Variants in WDR11 observed in about 807,000 individuals in gnomAD.
WDR11 encodes WD repeat-containing protein 11.
Under a neutral mutation model 151.2 loss-of-function variants are expected in WDR11, and 83 were observed. That is an observed-to-expected ratio of 0.55 (90% CI 0.46 to 0.66). The LOEUF (loss-of-function observed/expected upper bound fraction) is 0.66. Among genes scored for constraint, WDR11 ranks in the 30% least tolerant of loss-of-function variants. The probability of loss-of-function intolerance (pLI) is 0.00; values close to 1 mark genes in which losing one functional copy is unlikely to be tolerated. For missense variants in WDR11, 1,301 were observed against 1,480.9 expected (o/e 0.88, Z 1.99); for synonymous variants, 484 against 533.1 (o/e 0.91, Z 1.27).
chr10:120,908,667 T>G lies in WDR11; in HGVS notation c.3629T>G (p.Leu1210Ter), dbSNP rs892373753. 6 of 1,614,104 alleles carry G rather than the reference T, an allele frequency of 3.7e-6. No individual in the cohort carries two copies. The highest frequency in any genetic ancestry group is 5.1e-6 in the Non-Finnish European group (6 of 1,180,050). ...ASKAGAAGKD[L>*]LNELESPKEE... ...AAAGCCGGAGCAGCTGGCAAAGACTTATTGAATGAGCTTGAGTCCCCCAAG... is the reference window on the plus strand; with the variant it reads ...AAAGCCGGAGCAGCTGGCAAAGACTGATTGAATGAGCTTGAGTCCCCCAAG... Residue 1210 changes from leucine (L) to a stop codon, truncating the protein, a stop_gained, in exon 29 of 29, where the codon TTA (leucine) becomes TGA (stop). Coordinates refer to ENST00000263461, the MANE Select transcript of WDR11 (RefSeq NM_018117.12). LOFTEE classifies it high-confidence loss of function.
chr10:120,852,747 A>G (rs928527065), intron 2 of WDR11, 112 bp downstream of exon 2: 2 of 898,124 alleles, frequency 2.2e-6, no homozygotes, highest in Admixed American at 2.1e-5. Flanking sequence ...GCTTTTAAAT[A>G]TAACAACCTA....
At chr10:120,873,379 G>T (rs936893720) in intron 10 of WDR11, among the ~76,000 whole-genome samples, 4 of 152,158 alleles carry the variant, frequency 2.6e-5, no homozygotes, top group African/African-American at 9.6e-5. Context: ...TTACTCTCTT[G>T]TCAGGATTTA....
Position 120,889,582 on chromosome 10 carries a change from T to G in WDR11, c.2229-313T>G, listed in dbSNP as rs145005837. ...TATGGTTCCATTAGAGGCTTGTGAC[T>G]TGGCAAGAAGGATCAGTAAACTCGT... On this transcript the variant is annotated intron_variant, in intron 17 of 28. Coordinates refer to ENST00000263461, the MANE Select transcript of WDR11 (RefSeq NM_018117.12). 1.4e-3 allele frequency: 592 copies of G among 430,980 alleles called. 3 individuals are homozygous for G. The highest frequency in any genetic ancestry group is 0.011 in the African/African-American group (553 of 50,012). 26.7% of individuals were successfully genotyped at this position (430,980 alleles called of 1,614,324 possible).
Position 120,851,393 on chromosome 10 carries a change from G to C in WDR11, c.-28G>C. 1 of 1,595,164 alleles carries C rather than the reference G, an allele frequency of 6.3e-7. No homozygotes were observed. Among genetic ancestry groups the C allele is most frequent in the Non-Finnish European group, 8.5e-7 (1 of 1,170,886 alleles). On this transcript the variant is annotated 5_prime_UTR_variant, in exon 1 of 29. Transcript: ENST00000263461. ...TCCGCCGCTTCCTGGTTGCGGGTCA[G>C]CGCCCAGGTCCTGGGCTGGCCGCCG...
In WDR11 at chr10:120,904,319, CAT is replaced by C. The variant is rs528898510; in HGVS notation, c.3027+180_3027+181del. 1.9e-3 allele frequency among the ~76,000 whole-genome samples: 286 copies of C among 152,244 alleles called. 1 individual carries two copies. The highest frequency in any genetic ancestry group is 3.5e-3 in the Non-Finnish European group (235 of 68,026). ...TACCAATAAACCTCATGAGAAAAAA[CAT>C]ATGGTTAACCAGCTTGTAATTTAGA... is the stretch of plus-strand genomic sequence containing the variant. On this transcript the variant is annotated intron_variant, in intron 24 of 28. Transcript: ENST00000263461.
At chr10:120,898,648 A>G (rs923447588) in intron 19 of WDR11, among the ~76,000 whole-genome samples, 15 of 152,138 alleles carry the variant, frequency 9.9e-5, no homozygotes, top group Non-Finnish European at 1.8e-4. Context: ...TACTGTTCTC[A>G]CGATAGTAAG....
chr10:120,866,505 T>G, intron 7 of WDR11, 64 bp from the exon 8 acceptor site: 1 of 1,589,146 alleles, frequency 6.3e-7, no homozygotes, highest in Non-Finnish European at 8.6e-7. Context: ...TTATTTAAAT[T>G]GAAACAAACA....
chr10:120,856,815 A>G (rs1013421476), intron 2 of WDR11, among the ~76,000 whole-genome samples: 1 of 152,106 alleles, frequency 6.6e-6, no homozygotes, highest in East Asian at 1.9e-4. Context: ...AAACATATAT[A>G]TACACATAGA....
chr10:120,905,850 G>T, intron 26 of WDR11, 26 bp from the exon 27 acceptor site: 1 of 1,614,156 alleles, frequency 6.2e-7, no homozygotes, highest in African/African-American at 1.3e-5. Context: ...GGATGTTTTT[G>T]TTGTTAACAC....
At chr10:120,902,663 T>G (rs1847872040) in intron 22 of WDR11, among the ~76,000 whole-genome samples, 1 of 137,890 alleles carries the variant, frequency 7.3e-6, no homozygotes, top group Non-Finnish European at 1.5e-5. Flanking sequence ...GTTTGTCACT[T>G]ATAAAAAAGA....
chr10:120,860,681 G>A (rs539289663), intron 4 of WDR11, among the ~76,000 whole-genome samples: 2 of 152,208 alleles, frequency 1.3e-5, no homozygotes, highest in African/African-American at 2.4e-5. Context: ...CCTAATTCAC[G>A]CCATTCATTT....
intron 11 of WDR11, among the ~76,000 whole-genome samples, chr10:120,875,435 G>A (rs1293473444): frequency 2.0e-5 from 3 of 152,154 alleles, no homozygotes; most frequent in Non-Finnish European, 4.4e-5. Context: ...TTCGCTGAAT[G>A]CAAGGCTATT....
At chr10:120,901,010 A>G in intron 20 of WDR11, 26 bp from the exon 21 acceptor site, 1 of 1,500,980 alleles carries the variant, frequency 6.7e-7, no homozygotes, top group Non-Finnish European at 9.3e-7. Context: ...GAGATAATGA[A>G]CTCATTCAAA....
chr10:120,904,669 G>A lies in WDR11; in HGVS notation c.3051G>A (p.Leu1017=). The change falls in exon 25 of 29, where the codon CTG becomes CTA. Residue 1017 remains leucine (L), a synonymous_variant. Coordinates refer to ENST00000263461, the MANE Select transcript of WDR11 (RefSeq NM_018117.12). The stretch of plus-strand genomic sequence containing the variant: ...AGACAGACAGAGCTGTGCAGTTGCT[G>A]TTGGAAACAAGTGCAGATAACCAGC... ...LGQTDRAVQL[L]LETSADNQHY... is the part of the protein sequence containing the mutation. The A allele has an allele frequency of 6.2e-7, 1 of 1,614,206 alleles. No individual in the cohort carries two copies. Among genetic ancestry groups the A allele is most frequent in the African/African-American group, 1.3e-5 (1 of 75,054 alleles).
chr10:120,888,874 A>G (rs1192904720), intron 16 of WDR11, among the ~76,000 whole-genome samples: 2 of 152,046 alleles, frequency 1.3e-5, no homozygotes, highest in Non-Finnish European at 2.9e-5. Context: ...CTTAATGTCT[A>G]TGAAGTTGAA....
chr10:120,877,303 AT>A (rs1846829516), intron 11 of WDR11, among the ~76,000 whole-genome samples: 1 of 152,204 alleles, frequency 6.6e-6, no homozygotes, highest in African/African-American at 2.4e-5. Context: ...AAGATACTCC[AT>A]TTTTATATGA....
intron 22 of WDR11, among the ~76,000 whole-genome samples, chr10:120,902,629 C>T (rs987806288): frequency 1.4e-5 from 2 of 146,142 alleles, no homozygotes; most frequent in Non-Finnish European, 2.9e-5. Context: ...AAGCGATAAC[C>T]TCTATATCCT....
intron 2 of WDR11, among the ~76,000 whole-genome samples, chr10:120,854,769 G>A (rs1026327731): frequency 1.3e-5 from 2 of 152,112 alleles, no homozygotes; most frequent in Admixed American, 1.3e-4. Flanking sequence ...CTTTTCATGT[G>A]CTTATTGGCC....
At chr10:120,904,872 G>T in intron 25 of WDR11, 61 bp downstream of exon 25, 1 of 1,587,286 alleles carries the variant, frequency 6.3e-7, no homozygotes, top group Non-Finnish European at 8.6e-7. Context: ...TCCCAGCAAA[G>T]TATCTGATTA....
Sources: allele counts gnomAD v4.1 joint callset (sites outside exome capture counted in the v4.1 genomes callset), GRCh38; gene constraint gnomAD v4.1.1; transcripts MANE v1.5; gene names NCBI Gene and HGNC (gene_info 2026-07-23, HGNC 2026-07-21).